The following TYMP variants were observed in gnomAD, a reference collection of about 807,000 sequenced individuals.
TYMP encodes the protein thymidine phosphorylase.
Under a neutral mutation model 42.3 loss-of-function variants are expected in TYMP, and 46 were observed. The ratio of observed to expected loss-of-function variants is 1.09; its 90% CI spans 0.86 to 1.39. TYMP has a LOEUF of 1.39. Among genes scored for constraint, TYMP ranks in the 40% most tolerant of loss-of-function variants. The pLI is 0.00. For synonymous variants in TYMP, 363 were observed against 308.0 expected (o/e 1.18, Z -1.87); for missense variants, 837 against 677.6 (o/e 1.24, Z -2.61).
Position 50,529,573 on chromosome 22 carries a change from C to T in TYMP, c.137G>A (p.Gly46Glu). 1 of 1,613,162 alleles carries T rather than the reference C, an allele frequency of 6.2e-7. No homozygotes were observed. Among genetic ancestry groups the T allele is most frequent in the Non-Finnish European group, 8.5e-7 (1 of 1,179,942 alleles). ...GATGTCCGCTTCGCTCAGGCGGCCT[C>T]CGTCTCGCTTCATGCGGATCAGCTC... Reference protein sequence around the residue: ...LPELIRMKRDGGRLSEADIRG... With the variant: ...LPELIRMKRDEGRLSEADIRG... Residue 46 changes from glycine to glutamate, a missense_variant, in exon 2 of 10, where the codon GGA becomes GAA. Gly to Glu is a moderately conservative substitution (Grantham distance 98). Coordinates refer to ENST00000252029, the MANE Select transcript of TYMP (RefSeq NM_001953.5).
Position 50,527,615 on chromosome 22 carries a change from T to C in TYMP, c.619A>G (p.Thr207Ala). 2 of 1,613,908 alleles carry C rather than the reference T, an allele frequency of 1.2e-6. No individual in the cohort carries two copies. Among genetic ancestry groups the C allele is most frequent in the Non-Finnish European group, 1.7e-6 (2 of 1,180,018 alleles). Reference protein sequence around the residue: ...ILYAARDVTATVDSLPLITAS... With the variant: ...ILYAARDVTAAVDSLPLITAS... ...GTGATGAGTGGCAGGCTGTCCACGG[T>C]GGCTGTCACATCTCTGGCTGCATAT... Residue 207 changes from threonine (T) to alanine (A), a missense_variant, in exon 5 of 10, where the codon ACC becomes GCC. By Grantham distance (58) the Thr-to-Ala change is moderately conservative. Coordinates refer to ENST00000252029, the MANE Select transcript of TYMP (RefSeq NM_001953.5).
intron 3 of TYMP, 125 bp downstream of exon 3, chr22:50,529,010 TG>T (rs2069492124): frequency 1.0e-6 from 1 of 978,070 alleles, no homozygotes; most frequent in Non-Finnish European, 1.6e-6. Flanking sequence ...GGGAGCAGGG[TG>T]GGGAGAAGCC....
Position 50,526,055 on chromosome 22 carries a change from G to T in TYMP, c.1246C>A (p.Arg416Ser). The change falls in exon 9 of 10, where the codon CGC becomes AGC. Residue 416 changes from arginine to serine, a missense_variant. Coordinates refer to ENST00000252029, the MANE Select transcript of TYMP (RefSeq NM_001953.5). ...AGCAGCTCTGCGCCCACCCCCAGGC[G>T]GAGCGGCTCCCCAGCGCGGCTGCGC... Reference protein sequence around the residue: ...AGRSRAGEPLRLGVGAELLVD... With the variant: ...AGRSRAGEPLSLGVGAELLVD... The T allele has an allele frequency of 1.3e-6, 2 of 1,481,870 alleles. No homozygotes were observed. The highest frequency in any genetic ancestry group is 2.5e-5 in the South Asian group (2 of 78,576). 91.8% of individuals were successfully genotyped at this position (1,481,870 alleles called of 1,614,324 possible).
In TYMP at chr22:50,526,661, C is replaced by T; in HGVS notation, c.843G>A (p.Val281=). 1.3e-6 allele frequency: 2 copies of T among 1,556,954 alleles called. No individual in the cohort carries two copies. The highest frequency in any genetic ancestry group is 1.7e-6 in the Non-Finnish European group (2 of 1,153,498). ...TAMDKPLGRC[V]GHALEVEEAL... ...CCTCCTCCACCTCCAGGGCGTGGCCCACGCAGCGACCCAGGGGCTTGTCCA... is the reference window on the plus strand; with the variant it reads ...CCTCCTCCACCTCCAGGGCGTGGCCTACGCAGCGACCCAGGGGCTTGTCCA... The change falls in exon 7 of 10, where the codon GTG becomes GTA. Residue 281 remains valine (V), a synonymous_variant. Transcript: ENST00000252029.
intron 4 of TYMP, 47 bp from the exon 5 acceptor site, chr22:50,527,764 G>T: frequency 7.3e-7 from 1 of 1,361,726 alleles, no homozygotes; most frequent in Non-Finnish European, 1.0e-6. Flanking sequence ...AAATGACTTA[G>T]CAGCTTTTTT....
chr22:50,526,231 T>A lies in TYMP; in HGVS notation c.1159+15A>T, dbSNP rs1569522098. ...ATGGCGGAGGCGGAAGGACGGGGAC[T>A]CCCCCGACGCTCACCATCTGCGGGC... On this transcript the variant is annotated intron_variant, in intron 8 of 9. Transcript: ENST00000252029. 1 of 1,522,516 alleles carries A rather than the reference T, an allele frequency of 6.6e-7. No individual in the cohort carries two copies. The highest frequency in any genetic ancestry group is 2.0e-5 in the Admixed American group (1 of 50,708). The allele number at this position is 1,522,516 out of a possible 1,614,324, so 94.3% of individuals were successfully genotyped here.
chr22:50,527,768 CTTTTTTTTTTT>C (rs131803), intron 4 of TYMP, 51 bp from the exon 5 acceptor site: 14 of 1,228,200 alleles, frequency 1.1e-5, no homozygotes, highest in East Asian at 5.3e-5. Flanking sequence ...GACTTAGCAG[CTTTTTTTTTTT>C]TTTTTTTTTT....
At chr22:50,528,876 G>C (rs192022190) in intron 3 of TYMP, 50 of 613,136 alleles carry the variant, frequency 8.2e-5, no homozygotes, top group Admixed American at 7.5e-4. Flanking sequence ...AGCTGTCTGG[G>C]GACCCAAGGG....
intron 4 of TYMP, 55 bp downstream of exon 4, chr22:50,528,457 G>T: frequency 6.9e-7 from 1 of 1,443,626 alleles, no homozygotes; most frequent in Non-Finnish European, 9.7e-7. Flanking sequence ...TAGTGATTCT[G>T]GCCAGGGTCT....
Position 50,529,109 on chromosome 22 carries a change from C to G in TYMP, c.417+27G>C, listed in dbSNP as rs116860087. The G allele has an allele frequency of 1.1e-3, 1,841 of 1,611,756 alleles. 49 individuals are homozygous for G. The East Asian group carries it at 0.035, about 31-fold the overall frequency. On this transcript the variant is annotated intron_variant, in intron 3 of 9. Transcript: ENST00000252029. ...GTTGCTGCATGTGCGGTATAGGCTC[C>G]CGTCTGGAAAGGAGGTGGTTTCTAA...
chr22:50,525,998 C>A lies in TYMP; in HGVS notation c.1300+3G>T. ...GGGCCAGCAGGGCGGGGGCGGCGCT[C>A]ACCACGGCGCAGCCTCTGACCCACG... On this transcript the variant is annotated splice_donor_region_variant and intron_variant, in intron 9 of 9. Coordinates refer to ENST00000252029, the MANE Select transcript of TYMP (RefSeq NM_001953.5). 1 of 1,422,464 alleles carries A rather than the reference C, an allele frequency of 7.0e-7. No homozygotes were observed. The allele number at this position is 1,422,464 out of a possible 1,614,324, so 88.1% of individuals were successfully genotyped here. A position where few individuals can be genotyped will look rare whatever the true frequency, so the allele number is the denominator to read the frequency against.
At position 50,527,732 on chromosome 22, in the gene TYMP, C is replaced by G; in HGVS notation, c.517-15G>C. The G allele has an allele frequency of 6.2e-7, 1 of 1,612,568 alleles. No homozygotes were observed. The highest frequency in any genetic ancestry group is 1.1e-5 in the South Asian group (1 of 91,060). On this transcript the variant is annotated splice_polypyrimidine_tract_variant and intron_variant, in intron 4 of 9. Transcript: ENST00000252029. Reference sequence around the variant, plus strand: ...AGCACTTGCATCTGGTCAGACATCCCCTGTTCTCAGTGACTTATGGTAAAT... The same window carrying G: ...AGCACTTGCATCTGGTCAGACATCCGCTGTTCTCAGTGACTTATGGTAAAT...
rs552829713 is a variant in TYMP, at chr22:50,528,502, C to T, written c.516+10G>A. 1.3e-5 allele frequency: 21 copies of T among 1,611,330 alleles called. No homozygotes were observed. The African/African-American group carries it at 1.5e-4, about 11-fold the overall frequency. On this transcript the variant is annotated intron_variant, in intron 4 of 9. Coordinates refer to ENST00000252029, the MANE Select transcript of TYMP (RefSeq NM_001953.5). ...ACCTGGATTAATGACTGATCCGTGGCGCCCCGTACCTGCTCTGGGCTCTGG... is the reference window on the plus strand; with the variant it reads ...ACCTGGATTAATGACTGATCCGTGGTGCCCCGTACCTGCTCTGGGCTCTGG...
chr22:50,526,256 C>T lies in TYMP; in HGVS notation c.1149G>A (p.Ala383=), dbSNP rs763207893. 5 of 1,532,004 alleles carry T rather than the reference C, an allele frequency of 3.3e-6. No homozygotes were observed. Among genetic ancestry groups the T allele is most frequent in the South Asian group, 2.4e-5 (2 of 82,842 alleles). The allele number at this position is 1,532,004 out of a possible 1,614,324, so 94.9% of individuals were successfully genotyped here. A position where few individuals can be genotyped will look rare whatever the true frequency, so the allele number is the denominator to read the frequency against. Residue 383 remains alanine, a synonymous_variant, in exon 8 of 10, where the codon GCG becomes GCA. Coordinates refer to ENST00000252029, the MANE Select transcript of TYMP (RefSeq NM_001953.5). ...TCCCCCGACGCTCACCATCTGCGGG[C>T]GCCAGCAGCTCCTCCTGCTCCCGGG... ...PRAREQEELL[A]PADGTVELVR... is the part of the protein sequence containing the mutation.
At position 50,525,999 on chromosome 22, in the gene TYMP, A is replaced by ACCACGGCGCAGCCTCTGAC; in HGVS notation, c.1283_1300+1dup. 7.0e-7 allele frequency: 1 copy of ACCACGGCGCAGCCTCTGAC among 1,423,048 alleles called. No homozygotes were observed. The highest frequency in any genetic ancestry group is 9.1e-7 in the Non-Finnish European group (1 of 1,093,848). 88.2% of individuals were successfully genotyped at this position (1,423,048 alleles called of 1,614,324 possible). ...GGCCAGCAGGGCGGGGGCGGCGCTC[A>ACCACGGCGCAGCCTCTGAC]CCACGGCGCAGCCTCTGACCCACGT... On this transcript the variant is annotated splice_donor_variant, in intron 9 of 9. Transcript: ENST00000252029. LOFTEE classifies it high-confidence loss of function.
At position 50,526,570 on chromosome 22, in the gene TYMP, C is replaced by T. The variant is rs773975052; in HGVS notation, c.928+6G>A. On this transcript the variant is annotated splice_donor_region_variant and intron_variant, in intron 7 of 9. Transcript: ENST00000252029. ...CCTCCGCTCCCCTACACCCCGTCCC[C>T]CTCACCGAGCGTGGTGACCAGGTCC... 5.1e-6 allele frequency: 8 copies of T among 1,568,560 alleles called. No homozygotes were observed. The East Asian group carries it at 7.1e-5, about 14-fold the overall frequency.
In TYMP at chr22:50,529,519, C is replaced by T; in HGVS notation, c.191G>A (p.Gly64Glu). 6.2e-7 allele frequency: 1 copy of T among 1,612,990 alleles called. No individual in the cohort carries two copies. Among genetic ancestry groups the T allele is most frequent in the Non-Finnish European group, 8.5e-7 (1 of 1,179,924 alleles). Residue 64 changes from glycine to glutamate, a missense_variant, in exon 2 of 10, where the codon GGG becomes GAG. Coordinates refer to ENST00000252029, the MANE Select transcript of TYMP (RefSeq NM_001953.5). ...ACCGATCTGTGCGCCCTGCGCGCTC[C>T]CATTCACCACAGCGGCCACGAAGCC... The part of the protein sequence containing the change: ...IRGFVAAVVN[G>E]SAQGAQIGAM...
Position 50,529,078 on chromosome 22 carries a change from G to A in TYMP, c.417+58C>T. The A allele has an allele frequency of 1.9e-6, 3 of 1,569,066 alleles. No individual in the cohort carries two copies. The South Asian group carries it at 3.3e-5, about 17-fold the overall frequency. On this transcript the variant is annotated intron_variant, in intron 3 of 9. Transcript: ENST00000252029. ...TTGAGGTTGGGAGCTGCCTGTGGAT[G>A]GACTGGTTGCTGCATGTGCGGTATA...
In TYMP at chr22:50,527,508, T is replaced by A. The variant is rs1466571961; in HGVS notation, c.646+80A>T. ...GGCACACGGTCAGGTGACGGGTAACTCCTAACGAGAGGCCCTTGACTTGAG... is the reference window on the plus strand; with the variant it reads ...GGCACACGGTCAGGTGACGGGTAACACCTAACGAGAGGCCCTTGACTTGAG... On this transcript the variant is annotated intron_variant, in intron 5 of 9. Transcript: ENST00000252029. The A allele has an allele frequency of 3.7e-6, 6 of 1,607,166 alleles. No homozygotes were observed. The African/African-American group carries it at 8.0e-5, about 21-fold the overall frequency.
Sources: gnomAD v4.1 joint callset for allele counts on GRCh38, gnomAD v4.1.1 for gene constraint, MANE v1.5 for transcripts, NCBI Gene and HGNC (gene_info 2026-07-23, HGNC 2026-07-21) for gene names.